The following DNAH1 variants were observed in gnomAD, a reference collection of about 807,000 sequenced individuals.
The protein encoded by DNAH1 is axonemal beta dynein heavy chain 1.
DNAH1 carries 327 observed loss-of-function variants against 484.3 expected under a neutral mutation model. The ratio of observed to expected loss-of-function variants is 0.68; its 90% confidence interval spans 0.62 to 0.74. The LOEUF (loss-of-function observed/expected upper bound fraction) is 0.74. DNAH1 is among the 30% of genes least tolerant of loss of function. The pLI is 0.00. For missense variants in DNAH1, 5,052 were observed against 5,546.8 expected (o/e 0.91, Z 2.83); for synonymous variants, 2,192 against 2,191.9 (o/e 1.00, Z 0.00).
In DNAH1 at chr3:52,364,822, A is replaced by C. The variant is rs1578147294; in HGVS notation, c.5332-11A>C. 1 of 1,611,294 alleles carries C rather than the reference A, an allele frequency of 6.2e-7. No homozygotes were observed. Among genetic ancestry groups the C allele is most frequent in the Non-Finnish European group, 8.5e-7 (1 of 1,177,864 alleles). On this transcript the variant is annotated splice_polypyrimidine_tract_variant and intron_variant, in intron 33 of 77. Coordinates refer to ENST00000420323, the MANE Select transcript of DNAH1 (RefSeq NM_015512.5). The surrounding 1 kb of genome is among the most constrained non-coding windows in gnomAD (Gnocchi z 4.2). The stretch of plus-strand genomic sequence containing the variant: ...CCACTGCCCTGAAGGCTCAGCCGGC[A>C]CCTGCTGCAGGAGCTGATCTGCCTC...
chr3:52,370,265 C>A, intron 39 of DNAH1, 36 bp downstream of exon 39: 1 of 1,605,036 alleles, frequency 6.2e-7, no homozygotes, highest in South Asian at 1.1e-5. Context: ...TGCACCTGGT[C>A]CCTCTCCCCA....
intron 8 of DNAH1, among the ~76,000 whole-genome samples, chr3:52,332,771 A>G (rs765952564): frequency 1.9e-4 from 29 of 152,232 alleles, no homozygotes; most frequent in Non-Finnish European, 2.9e-4. Flanking sequence ...AGATGCCCCT[A>G]AGATAACTTT....
At chr3:52,328,727 G>C (rs1198231676) in intron 6 of DNAH1, among the ~76,000 whole-genome samples, 3 of 152,278 alleles carry the variant, frequency 2.0e-5, no homozygotes, top group African/African-American at 7.2e-5. Context: ...GTGCCAGGTG[G>C]GCATCCGCAG....
At position 52,346,717 on chromosome 3, in the gene DNAH1, C is replaced by A; in HGVS notation, c.1902C>A (p.Leu634=). The A allele has an allele frequency of 6.2e-7, 1 of 1,613,742 alleles. No individual in the cohort carries two copies. The highest frequency in any genetic ancestry group is 1.1e-5 in the South Asian group (1 of 91,062). ...TCAGCGACACCTGTTGCAGCGTGCT[C>A]AACTGCACCGATGACATGGTCTGGG... ...QFISDTCCSV[L]NCTDDMVWGD... The change falls in exon 11 of 78, where the codon CTC becomes CTA. Residue 634 remains leucine, a synonymous_variant. Coordinates refer to ENST00000420323, the MANE Select transcript of DNAH1 (RefSeq NM_015512.5).
chr3:52,395,457 C>A lies in DNAH1; in HGVS notation c.11118C>A (p.Gly3706=). 2 of 1,613,898 alleles carry A rather than the reference C, an allele frequency of 1.2e-6. No individual in the cohort carries two copies. Among genetic ancestry groups the A allele is most frequent in the Admixed American group, 1.7e-5 (1 of 60,024 alleles). Residue 3706 remains glycine (G), a synonymous_variant, in exon 69 of 78, where the codon GGC becomes GGA. Transcript: ENST00000420323. This position sits in a 1 kb window ranked among gnomAD's most constrained non-coding sequence, Gnocchi z 4.4. ...FSKKLSAISL[G]QGQGPRAEAM... ...AAAAGCTCTCTGCCATCTCCCTGGG[C>A]CAGGGGCAGGTCAGGGCTAGGCAGG...
Position 52,388,214 on chromosome 3 carries a change from T to C in DNAH1, c.9051T>C (p.Asp3017=). 14 of 1,609,546 alleles carry C rather than the reference T, an allele frequency of 8.7e-6. No homozygotes were observed. The highest frequency in any genetic ancestry group is 1.2e-5 in the Non-Finnish European group (14 of 1,178,084). The part of the protein sequence containing the change: ...VVIKAIQPYI[D]NEEFQPATIA... ...TCAAAGCCATCCAGCCGTACATCGA[T>C]AATGAAGAGTTCCAGCCAGCCACCA... is the stretch of plus-strand genomic sequence containing the variant. Residue 3017 remains aspartate (D), a synonymous_variant, in exon 57 of 78, where the codon GAT becomes GAC. Coordinates refer to ENST00000420323, the MANE Select transcript of DNAH1 (RefSeq NM_015512.5).
In DNAH1 at chr3:52,381,793, G is replaced by C; in HGVS notation, c.7762G>C (p.Gly2588Arg). ...GGGCAATGCACTCCTGCTGGGCGTGGGTGGCAGCGGCCGCAGCTCCCTCAC... is the reference window on the plus strand; with the variant it reads ...GGGCAATGCACTCCTGCTGGGCGTGCGTGGCAGCGGCCGCAGCTCCCTCAC... The part of the protein sequence containing the change: ...ALGNALLLGV[G>R]GSGRSSLTRL... Residue 2588 changes from glycine to arginine, a missense_variant, in exon 49 of 78, where the codon GGT (glycine) becomes CGT (arginine). By Grantham distance (125) the Gly-to-Arg change is moderately radical. Around this residue, in one of 4 missense-constraint regions of DNAH1, gnomAD observed 2,929 missense variants for 3,409.4 expected, o/e 0.86. Transcript: ENST00000420323. The surrounding 1 kb of genome is among the most constrained non-coding windows in gnomAD (Gnocchi z 4.1). 6.2e-7 allele frequency: 1 copy of C among 1,603,900 alleles called. No individual in the cohort carries two copies. Among genetic ancestry groups the C allele is most frequent in the South Asian group, 1.1e-5 (1 of 88,990 alleles).
rs901738185 is a variant in DNAH1, at chr3:52,358,945, G to A, written c.4266+208G>A. 2.0e-5 allele frequency among the ~76,000 whole-genome samples: 3 copies of A among 152,144 alleles called. No homozygotes were observed. Among genetic ancestry groups the A allele is most frequent in the Admixed American group, 6.5e-5 (1 of 15,278 alleles). Reference sequence around the variant, plus strand: ...ATCGGGATGGCTGTTCTGGTTCCCAGCACTCACTGGGTGCCAGGCTCCAGG... The same window carrying A: ...ATCGGGATGGCTGTTCTGGTTCCCAACACTCACTGGGTGCCAGGCTCCAGG... On this transcript the variant is annotated intron_variant, in intron 25 of 77. Coordinates refer to ENST00000420323, the MANE Select transcript of DNAH1 (RefSeq NM_015512.5). The surrounding 1 kb of genome is among the most constrained non-coding windows in gnomAD (Gnocchi z 4.2).
At chr3:52,352,875 C>A (rs187417802) in intron 18 of DNAH1, among the ~76,000 whole-genome samples, 168 bp downstream of exon 18, 1 of 152,146 alleles carries the variant, frequency 6.6e-6, no homozygotes, top group Non-Finnish European at 1.5e-5. Context: ...GCCCCTAGTA[C>A]AAGGCAGGTG....
rs1019204948 is a variant in DNAH1 at position 52,368,022 on chromosome 3, G to A, written c.5766-719G>A. Among the ~76,000 whole-genome samples the A allele has an allele frequency of 1.1e-4, 16 of 152,242 alleles. No individual in the cohort carries two copies. The highest frequency in any genetic ancestry group is 2.0e-4 in the Admixed American group (3 of 15,286). On this transcript the variant is annotated intron_variant, in intron 36 of 77. Transcript: ENST00000420323. The surrounding 1 kb of genome is among the most constrained non-coding windows in gnomAD (Gnocchi z 4.4). ...AGTGGGAATCTATAGCCAAGGGGCA[G>A]GGTGAGCATCAGTGGGTGGAAAATC...
intron 8 of DNAH1, among the ~76,000 whole-genome samples, chr3:52,337,401 C>T (rs138880655): frequency 6.6e-6 from 1 of 152,232 alleles, no homozygotes; most frequent in Non-Finnish European, 1.5e-5. Context: ...TTATTATTTC[C>T]GTTTGCCTGA....
At position 52,368,740 on chromosome 3, in the gene DNAH1, G is replaced by C. The variant is rs1703189114; in HGVS notation, c.5766-1G>C. The C allele has an allele frequency of 6.2e-7, 1 of 1,612,768 alleles. No individual in the cohort carries two copies. The highest frequency in any genetic ancestry group is 8.5e-7 in the Non-Finnish European group (1 of 1,179,424). ...CAGCCCTCTCCTCCCTGGCGCTGCAGGACAGACGGGATATTCTCCTCGTTC... is the reference window on the plus strand; with the variant it reads ...CAGCCCTCTCCTCCCTGGCGCTGCACGACAGACGGGATATTCTCCTCGTTC... On this transcript the variant is annotated splice_acceptor_variant, in intron 36 of 77. Transcript: ENST00000420323. LOFTEE classifies it high-confidence loss of function. This position sits in a 1 kb window ranked among gnomAD's most constrained non-coding sequence, Gnocchi z 4.4.
At position 52,369,878 on chromosome 3, in the gene DNAH1, A is replaced by G. The variant is rs1474023710; in HGVS notation, c.5997A>G (p.Thr1999=). The part of the protein sequence containing the change: ...VQDLAVASPA[T]VSRCGMVYLE... ...ACCTGGCGGTGGCTTCACCAGCTAC[A>G]GTCTCCCGCTGTGGCATGGTGTACC... Residue 1999 remains threonine, a synonymous_variant, in exon 38 of 78, where the codon ACA becomes ACG. Transcript: ENST00000420323. The G allele has an allele frequency of 3.1e-6, 5 of 1,613,320 alleles. No homozygotes were observed. The highest frequency in any genetic ancestry group is 1.3e-5 in the African/African-American group (1 of 74,932).
At chr3:52,394,284 G>T (rs114844326) in intron 66 of DNAH1, among the ~76,000 whole-genome samples, 181 bp from the exon 67 acceptor site, 5 of 152,374 alleles carry the variant, frequency 3.3e-5, no homozygotes, top group Non-Finnish European at 7.3e-5. Flanking sequence ...TTGCCCTAAG[G>T]GCACACAGCC....
rs1283339444 is a variant in DNAH1, at chr3:52,382,475, G to A, written c.7941+20G>A. 6.2e-6 allele frequency: 10 copies of A among 1,612,490 alleles called. No individual in the cohort carries two copies. Among genetic ancestry groups the A allele is most frequent in the Admixed American group, 1.7e-5 (1 of 59,964 alleles). ...ACCCAGGTGCCACTGCCACAGCAGA[G>A]GGCAGGGCTCGGGGGGGCTGGACAC... On this transcript the variant is annotated intron_variant, in intron 50 of 77. Coordinates refer to ENST00000420323, the MANE Select transcript of DNAH1 (RefSeq NM_015512.5).
chr3:52,354,166 CAAAACAAAAG>C (rs986720227), intron 20 of DNAH1, among the ~76,000 whole-genome samples: 24 of 151,796 alleles, frequency 1.6e-4, no homozygotes, highest in African/African-American at 5.8e-4. Context: ...TGTCTCAAAA[CAAAACAAAAG>C]AAAACAAACA....
chr3:52,327,003 T>A (rs565187124), intron 5 of DNAH1, 112 bp downstream of exon 5: 11 of 1,368,684 alleles, frequency 8.0e-6, no homozygotes, highest in Non-Finnish European at 1.1e-5. Flanking sequence ...ACCAGCACAC[T>A]CTTGTCAAAC....
Position 52,360,414 on chromosome 3 carries a change from C to T in DNAH1, c.4675C>T (p.Leu1559Phe). 1 of 1,613,480 alleles carries T rather than the reference C, an allele frequency of 6.2e-7. No homozygotes were observed. The highest frequency in any genetic ancestry group is 8.5e-7 in the Non-Finnish European group (1 of 1,179,546). ...CAGTGGGAGGCTGGTGATCACGCCC[C>T]TCACCGACAGGTAAGCGTTCCCCTC... Reference protein sequence around the residue: ...GNSGRLVITPLTDRCYLTLTG... With the variant: ...GNSGRLVITPFTDRCYLTLTG... Residue 1559 changes from leucine to phenylalanine, a missense_variant, in exon 28 of 78, where the codon CTC (leucine) becomes TTC (phenylalanine). By Grantham distance (22) the Leu-to-Phe change is conservative. Around this residue, in one of 4 missense-constraint regions of DNAH1, gnomAD observed 2,929 missense variants for 3,409.4 expected, o/e 0.86. Transcript: ENST00000420323.
chr3:52,361,772 C>A lies in DNAH1; in HGVS notation c.4980+6C>A. 1.3e-6 allele frequency: 2 copies of A among 1,594,566 alleles called. No individual in the cohort carries two copies. Among genetic ancestry groups the A allele is most frequent in the Non-Finnish European group, 1.7e-6 (2 of 1,171,230 alleles). The stretch of plus-strand genomic sequence containing the variant: ...AGAAGGCGCAGCAGCAGCGGGTGAG[C>A]CCGGGGGACCCACCTTACTCCCTCA... On this transcript the variant is annotated splice_donor_region_variant and intron_variant, in intron 30 of 77. Transcript: ENST00000420323. The surrounding 1 kb of genome is among the most constrained non-coding windows in gnomAD (Gnocchi z 5.6).
Sources: allele counts gnomAD v4.1 joint callset (sites outside exome capture counted in the v4.1 genomes callset), GRCh38; gene constraint gnomAD v4.1.1; regional missense constraint gnomAD v4.1.1; non-coding constraint Gnocchi (gnomAD v3.1); transcripts MANE v1.5; gene names NCBI Gene and HGNC (gene_info 2026-07-23, HGNC 2026-07-21).